The following KCNG3 variants were observed in gnomAD, a reference collection of about 807,000 sequenced individuals.
KCNG3 encodes voltage-gated potassium channel regulatory subunit KCNG3.
Under a neutral mutation model 29.0 loss-of-function variants are expected in KCNG3, and 15 were observed. That is an observed-to-expected ratio of 0.52 (90% CI 0.35 to 0.80). KCNG3 has a LOEUF of 0.80. Among genes scored for constraint, KCNG3 ranks in the 30% least tolerant of loss-of-function variants. The pLI is 0.01. For synonymous variants in KCNG3, 322 were observed against 248.9 expected, an observed-to-expected ratio of 1.29 and a Z score of -2.76; for missense variants, 512 against 605.7, an observed-to-expected ratio of 0.85 and a Z score of 1.62.
At chr2:42,406,264 G>C in the KCNG3 span, among the ~76,000 whole-genome samples, 30 of 151,332 alleles carry the variant, frequency 2.0e-4, 1 homozygote, top group South Asian at 5.8e-3. Flanking sequence ...TTGTTGCCCA[G>C]TCTGGAGTGC....
intron 1 of KCNG3, chr2:42,463,764 G>T (rs551003854): frequency 1.0e-4 from 19 of 188,686 alleles, no homozygotes; most frequent in Non-Finnish European, 1.9e-4. Flanking sequence ...CCTGGTGTGC[G>T]GTCAGTGTTT....
chr2:42,431,244 G>T, the KCNG3 span, among the ~76,000 whole-genome samples: 1 of 152,046 alleles, frequency 6.6e-6, no homozygotes, highest in Admixed American at 6.6e-5. Flanking sequence ...CCTAAGAATA[G>T]CTGTTATGAA....
chr2:42,437,067 A>G (rs1288316971), downstream of KCNG3, among the ~76,000 whole-genome samples: 1 of 152,082 alleles, frequency 6.6e-6, no homozygotes, highest in East Asian at 1.9e-4. Flanking sequence ...CTTTTTTCCC[A>G]TACGAATGTC....
At position 42,444,888 on chromosome 2, in the gene KCNG3, C is replaced by T. The variant is rs1672562116; in HGVS notation, c.666-309G>A. On this transcript the variant is annotated intron_variant, in intron 1 of 1. Coordinates refer to ENST00000306078, the MANE Select transcript of KCNG3 (RefSeq NM_133329.6). This position sits in a 1 kb window ranked among gnomAD's most constrained non-coding sequence, Gnocchi z 5.8. ...ACCAACCTGGGCACCACAGCAAAACCCCGTCTCCACAAAAAAAAAATACAA... is the reference window on the plus strand; with the variant it reads ...ACCAACCTGGGCACCACAGCAAAACTCCGTCTCCACAAAAAAAAAATACAA... Among the ~76,000 whole-genome samples the T allele has an allele frequency of 1.4e-5, 1 of 69,588 alleles. No homozygotes were observed. The highest frequency in any genetic ancestry group is 3.0e-5 in the Non-Finnish European group (1 of 33,828). 45.7% of individuals were successfully genotyped at this position (69,588 alleles called of 152,430 possible). A position where few individuals can be genotyped will look rare whatever the true frequency, so the allele number is the denominator to read the frequency against.
downstream of KCNG3, among the ~76,000 whole-genome samples, chr2:42,441,453 G>A (rs945940303): frequency 6.6e-6 from 1 of 151,920 alleles, no homozygotes; most frequent in Non-Finnish European, 1.5e-5. Flanking sequence ...ACAATAAAAT[G>A]CTGTTCCTAA....
At chr2:42,461,311 T>A (rs983102801) in intron 1 of KCNG3, among the ~76,000 whole-genome samples, 1 of 152,020 alleles carries the variant, frequency 6.6e-6, no homozygotes, top group Non-Finnish European at 1.5e-5. Flanking sequence ...GGTTGCTTTT[T>A]CCTTAGCTCT....
chr2:42,423,726 C>T, the KCNG3 span, among the ~76,000 whole-genome samples: 1 of 151,692 alleles, frequency 6.6e-6, no homozygotes, highest in Admixed American at 6.6e-5. Context: ...CACTTTCCCC[C>T]AAGAGCTCTT....
the KCNG3 span, among the ~76,000 whole-genome samples, chr2:42,415,997 C>G: frequency 6.6e-6 from 1 of 152,034 alleles, no homozygotes; most frequent in Non-Finnish European, 1.5e-5. Context: ...GAGTTCGAGG[C>G]TAGGCTGGCC....
intron 1 of KCNG3, among the ~76,000 whole-genome samples, chr2:42,486,677 CTT>C (rs1332318255): frequency 1.3e-5 from 2 of 152,222 alleles, no homozygotes; most frequent in Non-Finnish European, 2.9e-5. Context: ...CCAGAACACT[CTT>C]CTCACTCAAC....
chr2:42,390,095 C>G, the KCNG3 span, among the ~76,000 whole-genome samples: 1 of 152,192 alleles, frequency 6.6e-6, no homozygotes, highest in Non-Finnish European at 1.5e-5. Context: ...TGTGTTCCTA[C>G]TGCATCTCCC....
intron 1 of KCNG3, among the ~76,000 whole-genome samples, chr2:42,478,006 G>A (rs1673482650): frequency 6.6e-6 from 1 of 152,112 alleles, no homozygotes; most frequent in Admixed American, 6.5e-5. Flanking sequence ...TTGTAAAGTG[G>A]GAGTTGGAAT....
chr2:42,476,758 G>A (rs1439896925), intron 1 of KCNG3, among the ~76,000 whole-genome samples: 8 of 151,540 alleles, frequency 5.3e-5, no homozygotes, highest in African/African-American at 1.9e-4. Context: ...CCAAAGTGCT[G>A]GGATTACAGG....
chr2:42,439,643 T>TA (rs1271599832), downstream of KCNG3, among the ~76,000 whole-genome samples: 14 of 95,882 alleles, frequency 1.5e-4, no homozygotes, highest in East Asian at 1.2e-3. Flanking sequence ...AAGCCCTAAA[T>TA]AAAAAAAAAT....
At chr2:42,437,876 T>C (rs974450740), downstream of KCNG3, among the ~76,000 whole-genome samples, 1 of 149,482 alleles carries the variant, frequency 6.7e-6, no homozygotes. Context: ...AGGTGGAGAT[T>C]GTAGTGAGCT....
rs1237416133 is a variant in KCNG3, at chr2:42,443,960, T to G, written c.1285A>C (p.Ser429Arg). ...TAATTCAGGAATTCAGTGGAGAGGCTCCTACTATACCTAGCAGATCTAAAC... is the reference window on the plus strand; with the variant it reads ...TAATTCAGGAATTCAGTGGAGAGGCGCCTACTATACCTAGCAGATCTAAAC... ...LKFRSARYSR[S>R]LSTEFLN The change falls in exon 2 of 2, where the codon AGC (serine) becomes CGC (arginine). Residue 429 changes from serine (S) to arginine (R), a missense_variant. By Grantham distance (110) the Ser-to-Arg change is moderately radical (BLOSUM62 -1). Around this residue, in one of 5 missense-constraint regions of KCNG3, gnomAD observed 173 missense variants for 262.4 expected, o/e 0.66. Coordinates refer to ENST00000306078, the MANE Select transcript of KCNG3 (RefSeq NM_133329.6). 5.0e-6 allele frequency: 8 copies of G among 1,611,382 alleles called. No individual in the cohort carries two copies. The highest frequency in any genetic ancestry group is 6.8e-6 in the Non-Finnish European group (8 of 1,178,812).
chr2:42,472,559 G>A (rs1174547603), intron 1 of KCNG3, among the ~76,000 whole-genome samples: 1 of 151,706 alleles, frequency 6.6e-6, no homozygotes, highest in Non-Finnish European at 1.5e-5. Context: ...GAGTGCACTG[G>A]CACGATCTCG....
intron 1 of KCNG3, among the ~76,000 whole-genome samples, chr2:42,482,909 C>G (rs962087035): frequency 1.3e-5 from 2 of 151,980 alleles, no homozygotes; most frequent in Non-Finnish European, 2.9e-5. Flanking sequence ...TCACTCAAGT[C>G]CAGGAGTTCA....
At chr2:42,432,109 T>TA in the KCNG3 span, among the ~76,000 whole-genome samples, 2 of 151,504 alleles carry the variant, frequency 1.3e-5, no homozygotes, top group South Asian at 4.2e-4. Flanking sequence ...TTTTTGCAGG[T>TA]ACAAGGATCT....
the KCNG3 span, among the ~76,000 whole-genome samples, chr2:42,423,950 A>G: frequency 6.6e-6 from 1 of 152,162 alleles, no homozygotes; most frequent in African/African-American, 2.4e-5. Context: ...CATTTTGAAG[A>G]TATGTCCAAT....
Sources: allele counts gnomAD v4.1 joint callset (sites outside exome capture counted in the v4.1 genomes callset), GRCh38; gene constraint gnomAD v4.1.1; regional missense constraint gnomAD v4.1.1; non-coding constraint Gnocchi (gnomAD v3.1); transcripts MANE v1.5; gene names NCBI Gene and HGNC (gene_info 2026-07-23, HGNC 2026-07-21).